TUNAR: variants seen among roughly 807,000 people sequenced by gnomAD.
TUNAR encodes transmembrane neural differentiation associated intracellular calcium regulator.
At chr14:95,915,863 A>T (rs1285204656) in intron 2 of TUNAR, among the ~76,000 whole-genome samples, 1 of 152,240 alleles carries the variant, frequency 6.6e-6, no homozygotes, top group Non-Finnish European at 1.5e-5. Context: ...TGAGTTGCCC[A>T]TCGCCTTAGC....
intron 2 of TUNAR, among the ~76,000 whole-genome samples, chr14:95,908,831 C>T (rs993292553): frequency 3.3e-5 from 5 of 152,174 alleles, no homozygotes; most frequent in African/African-American, 1.2e-4. Context: ...TCAGTGAGGG[C>T]CATACCTGGA....
intron 2 of TUNAR, among the ~76,000 whole-genome samples, chr14:95,907,160 C>T (rs935612358): frequency 7.9e-5 from 12 of 152,208 alleles, no homozygotes; most frequent in African/African-American, 2.9e-4. Flanking sequence ...ACATCGTACT[C>T]TGTGTGGACA....
At chr14:95,879,479 A>G (rs1888942752) in intron 2 of TUNAR, among the ~76,000 whole-genome samples, 1 of 152,236 alleles carries the variant, frequency 6.6e-6, no homozygotes, top group African/African-American at 2.4e-5. Flanking sequence ...AATCTTCATT[A>G]AGTTGCTTTT....
chr14:95,898,712 A>G (rs1472560484), intron 2 of TUNAR, among the ~76,000 whole-genome samples: 1 of 152,072 alleles, frequency 6.6e-6, no homozygotes, highest in Non-Finnish European at 1.5e-5. Context: ...TTTTCCTGGA[A>G]TCTATTTTCG....
intron 2 of TUNAR, among the ~76,000 whole-genome samples, chr14:95,909,196 C>T (rs775605914): frequency 6.6e-6 from 1 of 152,086 alleles, no homozygotes; most frequent in Admixed American, 6.5e-5. Context: ...AAACTTTTCT[C>T]ACTCAACACA....
chr14:95,897,264 T>C (rs1318835532), intron 2 of TUNAR, among the ~76,000 whole-genome samples: 1 of 152,260 alleles, frequency 6.6e-6, no homozygotes, highest in African/African-American at 2.4e-5. Flanking sequence ...ATGGACTTCC[T>C]GATGTGGAAG....
At chr14:95,923,813 T>A (rs1215370776) in exon 3 of TUNAR, 7 of 152,222 alleles carry the variant, frequency 4.6e-5, no homozygotes, top group Non-Finnish European at 7.3e-5. Flanking sequence ...TTTAAGATTG[T>A]CCATTGAGTG....
intron 2 of TUNAR, among the ~76,000 whole-genome samples, chr14:95,896,351 G>A (rs923607979): frequency 1.3e-5 from 2 of 152,218 alleles, no homozygotes; most frequent in South Asian, 2.1e-4. Context: ...TAGAGATTGG[G>A]CTGTTCCAGC....
intron 2 of TUNAR, among the ~76,000 whole-genome samples, chr14:95,894,376 G>A (rs1375792235): frequency 6.6e-6 from 1 of 152,198 alleles, no homozygotes; most frequent in East Asian, 1.9e-4. Context: ...AGACAAATTA[G>A]ACAGTCATGC....
intron 2 of TUNAR, among the ~76,000 whole-genome samples, chr14:95,909,282 C>CTT (rs3044246): frequency 0.1 from 12,750 of 125,820 alleles, 889 homozygotes; most frequent in South Asian, 0.19. Context: ...GCTGCCATCT[C>CTT]TTTTTTTTTT....
intron 2 of TUNAR, among the ~76,000 whole-genome samples, chr14:95,904,868 C>T (rs1363192413): frequency 6.6e-6 from 1 of 152,226 alleles, no homozygotes; most frequent in Non-Finnish European, 1.5e-5. Flanking sequence ...AGGACCTGCG[C>T]AGGATGTTCC....
At chr14:95,896,653 A>G (rs1889274099) in intron 2 of TUNAR, among the ~76,000 whole-genome samples, 1 of 152,252 alleles carries the variant, frequency 6.6e-6, no homozygotes, top group South Asian at 2.1e-4. Context: ...TAAAAATGGA[A>G]TCAGGAGAGT....
chr14:95,890,728 C>G (rs575526405), intron 2 of TUNAR, among the ~76,000 whole-genome samples: 1 of 152,216 alleles, frequency 6.6e-6, no homozygotes, highest in Non-Finnish European at 1.5e-5. Context: ...TTAATCTGCC[C>G]TCTCTCATCA....
At chr14:95,912,692 CTATT>C (rs34688601) in intron 2 of TUNAR, among the ~76,000 whole-genome samples, 7,103 of 152,252 alleles carry the variant, frequency 0.047, 240 homozygotes, top group South Asian at 0.066. Context: ...CAAAAATAAA[CTATT>C]TAATAGAAAA....
exon 3 of TUNAR, chr14:95,922,983 T>G (rs1889721008): frequency 2.5e-6 from 1 of 399,086 alleles, no homozygotes; most frequent in Non-Finnish European, 4.4e-6. Context: ...CAGAGCGTCC[T>G]CAGAGGCCTC....
chr14:95,896,386 G>A (rs906148832), intron 2 of TUNAR, among the ~76,000 whole-genome samples: 2 of 152,198 alleles, frequency 1.3e-5, no homozygotes, highest in Non-Finnish European at 2.9e-5. Context: ...GCACAGGCAT[G>A]ACCCTGTACC....
At chr14:95,921,696 A>G (rs1250973929) in intron 2 of TUNAR, among the ~76,000 whole-genome samples, 2 of 152,178 alleles carry the variant, frequency 1.3e-5, no homozygotes, top group South Asian at 2.1e-4. Context: ...GCCTGGAGAA[A>G]GCCACTCTCC....
Position 95,891,330 on chromosome 14 carries a change from G to A in TUNAR, c.12+14153G>A, listed in dbSNP as rs1163618803. Among the ~76,000 whole-genome samples, 4 of 152,142 alleles carry A rather than the reference G, an allele frequency of 2.6e-5. No individual in the cohort carries two copies. In the South Asian group the frequency reaches 6.2e-4, roughly 24 times the overall value. On this transcript the variant is annotated intron_variant, in intron 2 of 2. Transcript: ENST00000678517. ...GGCTGCCAGCGGTTGTGTTCATGAC[G>A]TCAACTTTGACGGTTGATTCCTTTT...
chr14:95,913,948 A>G (rs1341689981), intron 2 of TUNAR, among the ~76,000 whole-genome samples: 1 of 152,164 alleles, frequency 6.6e-6, no homozygotes, highest in African/African-American at 2.4e-5. Flanking sequence ...GGTCAGGATG[A>G]TCTCGATCAC....
Sources: allele counts gnomAD v4.1 joint callset (sites outside exome capture counted in the v4.1 genomes callset), GRCh38; gene constraint gnomAD v4.1.1; transcripts MANE v1.5; gene names NCBI Gene and HGNC (gene_info 2026-07-23, HGNC 2026-07-21).